RAB5A: variants seen among roughly 807,000 people sequenced by gnomAD.
RAB5A encodes ras-related protein Rab-5A.
A neutral mutation model predicts 25.7 loss-of-function variants in RAB5A; 8 were observed. The observed-to-expected ratio is 0.31, with a 90% CI of 0.18 to 0.56. The LOEUF (loss-of-function observed/expected upper bound fraction) is 0.56, where lower values mean the gene tolerates loss of function less well. RAB5A is among the 20% of genes least tolerant of loss of function. The pLI is 0.91. For synonymous variants in RAB5A, 98 were observed against 89.8 expected (o/e 1.09, Z -0.52); for missense variants, 192 against 259.7 (o/e 0.74, Z 1.79).
chr3:19,974,858 T>C (rs1043704712), intron 2 of RAB5A, among the ~76,000 whole-genome samples: 1 of 152,210 alleles, frequency 6.6e-6, no homozygotes, highest in African/African-American at 2.4e-5. Context: ...ATGGTACTTT[T>C]AGGCACACTG....
intron 1 of RAB5A, among the ~76,000 whole-genome samples, chr3:19,948,055 C>T (rs569594624): frequency 1.1e-4 from 17 of 151,978 alleles, no homozygotes; most frequent in African/African-American, 1.9e-4. Context: ...GTGGGAGGCT[C>T]GTCAAAATAG....
chr3:19,975,527 A>G, intron 2 of RAB5A, 74 bp from the exon 3 acceptor site: 1 of 1,435,710 alleles, frequency 7.0e-7, no homozygotes, highest in Non-Finnish European at 9.6e-7. Context: ...ATAGATGTAT[A>G]CAAGCAGGTG....
chr3:19,957,491 A>G (rs1030297988), intron 2 of RAB5A, among the ~76,000 whole-genome samples: 25 of 11,522 alleles, frequency 2.2e-3, no homozygotes, highest in African/African-American at 9.7e-3. Context: ...CATCCTTACT[A>G]AAAAAAAAAA....
intron 2 of RAB5A, among the ~76,000 whole-genome samples, chr3:19,972,004 T>C (rs952793189): frequency 2.6e-5 from 4 of 152,144 alleles, no homozygotes; most frequent in African/African-American, 7.2e-5. Context: ...ATATTAAATG[T>C]TGGTACAGAG....
intron 5 of RAB5A, among the ~76,000 whole-genome samples, chr3:19,981,457 T>C (rs994470480): frequency 6.6e-6 from 1 of 151,724 alleles, no homozygotes; most frequent in Non-Finnish European, 1.5e-5. Context: ...CTACTAAAAA[T>C]AGAAAAATTA....
At chr3:19,977,726 C>A (rs924542596) in intron 4 of RAB5A, among the ~76,000 whole-genome samples, 5 of 152,092 alleles carry the variant, frequency 3.3e-5, no homozygotes, top group African/African-American at 9.7e-5. Flanking sequence ...TGGGAAAGAT[C>A]ATTGGTTACC....
chr3:19,955,629 C>T (rs1259311669), intron 2 of RAB5A, among the ~76,000 whole-genome samples: 2 of 152,106 alleles, frequency 1.3e-5, no homozygotes, highest in South Asian at 4.2e-4. Context: ...CGCGGTAGCT[C>T]ATACCTGTAA....
chr3:19,954,204 A>T (rs546672595), intron 2 of RAB5A, among the ~76,000 whole-genome samples: 1 of 152,154 alleles, frequency 6.6e-6, no homozygotes, highest in African/African-American at 2.4e-5. Flanking sequence ...TAGTAGAGAC[A>T]GGGTTTTGCC....
intron 5 of RAB5A, among the ~76,000 whole-genome samples, chr3:19,982,005 G>T (rs117053266): frequency 6.6e-6 from 1 of 152,008 alleles, no homozygotes; most frequent in East Asian, 1.9e-4. Context: ...TACTTTGAGA[G>T]GCCACGGTGG....
chr3:19,982,763 T>TAA (rs62910362), intron 5 of RAB5A, among the ~76,000 whole-genome samples: 20 of 139,872 alleles, frequency 1.4e-4, no homozygotes, highest in Admixed American at 2.9e-4. Flanking sequence ...CCTTGTCTCT[T>TAA]AAAAAAAAAA....
intron 2 of RAB5A, among the ~76,000 whole-genome samples, chr3:19,953,656 C>T (rs559018165): frequency 1.3e-5 from 2 of 152,142 alleles, no homozygotes; most frequent in Non-Finnish European, 2.9e-5. Flanking sequence ...GATCTGCCTA[C>T]CTCGGGCTCT....
intron 2 of RAB5A, among the ~76,000 whole-genome samples, chr3:19,959,249 A>G (rs2125182374): frequency 6.6e-6 from 1 of 152,310 alleles, no homozygotes; most frequent in Non-Finnish European, 1.5e-5. Flanking sequence ...AAGCAAATCA[A>G]AATAAAACCA....
chr3:19,952,558 C>A (rs532008131), intron 2 of RAB5A, among the ~76,000 whole-genome samples: 1 of 152,314 alleles, frequency 6.6e-6, no homozygotes, highest in East Asian at 1.9e-4. Context: ...ATCTTAGACC[C>A]ATTCTAGTAA....
At chr3:19,957,388 C>G (rs1696518881) in intron 2 of RAB5A, among the ~76,000 whole-genome samples, 2 of 151,944 alleles carry the variant, frequency 1.3e-5, no homozygotes, top group African/African-American at 4.8e-5. Context: ...ATAGTAAGTG[C>G]CGGGTGCATG....
chr3:19,949,390 T>C (rs1016010476), intron 1 of RAB5A, among the ~76,000 whole-genome samples: 1 of 152,208 alleles, frequency 6.6e-6, no homozygotes, highest in Non-Finnish European at 1.5e-5. Context: ...TTCTTTCTTT[T>C]GTTTTTAATA....
rs1290859682 is a variant in RAB5A at position 19,948,459 on chromosome 3, A to G, written c.-94+938A>G. On this transcript the variant is annotated intron_variant, in intron 1 of 5. Coordinates refer to ENST00000273047, the MANE Select transcript of RAB5A (RefSeq NM_004162.5). The stretch of plus-strand genomic sequence containing the variant: ...CTGGCACAAAATAAGTGCCCAGTCA[A>G]TTTTTTGATCAAAGAACCCTTAGAA... Among the ~76,000 whole-genome samples, 3 of 152,262 alleles carry G rather than the reference A, an allele frequency of 2.0e-5. No homozygotes were observed. In the East Asian group the frequency reaches 5.8e-4, roughly 29 times the overall value.
At chr3:19,973,110 T>C (rs1311760765) in intron 2 of RAB5A, among the ~76,000 whole-genome samples, 1 of 152,230 alleles carries the variant, frequency 6.6e-6, no homozygotes, top group African/African-American at 2.4e-5. Context: ...CAGGAGGATG[T>C]GCTTAGGTTA....
chr3:19,960,162 C>T (rs1167121072), intron 2 of RAB5A, among the ~76,000 whole-genome samples: 1 of 152,140 alleles, frequency 6.6e-6, no homozygotes, highest in Non-Finnish European at 1.5e-5. Flanking sequence ...ATTGCATATA[C>T]ATAATCTTGT....
chr3:19,966,702 A>G (rs1231038268), intron 2 of RAB5A, among the ~76,000 whole-genome samples: 1 of 152,224 alleles, frequency 6.6e-6, no homozygotes, highest in Non-Finnish European at 1.5e-5. Context: ...GATCATAGCC[A>G]TTCTAGTGGC....
Sources: gnomAD v4.1 joint callset for allele counts (sites outside exome capture counted in the v4.1 genomes callset) on GRCh38, gnomAD v4.1.1 for gene constraint, MANE v1.5 for transcripts, NCBI Gene and HGNC (gene_info 2026-07-23, HGNC 2026-07-21) for gene names.